Variants in MTRES1 observed in about 807,000 individuals in gnomAD.
The protein encoded by MTRES1 is mitochondrial transcription rescue factor 1.
Under a neutral mutation model 17.4 loss-of-function variants are expected in MTRES1, and 11 were observed. That is an observed-to-expected ratio of 0.63 (90% CI 0.40 to 1.05). MTRES1 has a LOEUF of 1.05. Ranked by LOEUF, MTRES1 falls within the 50% of genes least tolerant of loss-of-function variation. The pLI, the probability that MTRES1 is intolerant of heterozygous loss-of-function variation, is 0.00. For missense variants in MTRES1, 268 were observed against 276.2 expected (o/e 0.97, Z 0.21); for synonymous variants, 94 against 99.6 (o/e 0.94, Z 0.34).
At chr6:107,042,457 G>A in intron 2 of MTRES1, among the ~76,000 whole-genome samples, 1 of 149,276 alleles carries the variant, frequency 6.7e-6, no homozygotes, top group East Asian at 1.9e-4. Context: ...AAATAAGGGG[G>A]CCTCTCCTCT....
chr6:107,043,608 A>G (rs944983433), intron 2 of MTRES1, among the ~76,000 whole-genome samples: 3 of 152,108 alleles, frequency 2.0e-5, no homozygotes, highest in African/African-American at 7.2e-5. Flanking sequence ...AGGAAGTGAA[A>G]ATATATTTAC....
chr6:107,050,121 G>A (rs1774544454), intron 3 of MTRES1, among the ~76,000 whole-genome samples: 1 of 152,246 alleles, frequency 6.6e-6, no homozygotes, highest in African/African-American at 2.4e-5. Flanking sequence ...GCACAGACCA[G>A]TGTCCTTGAC....
At chr6:107,049,408 CTTTTT>C (rs782057719) in intron 3 of MTRES1, among the ~76,000 whole-genome samples, 1 of 99,362 alleles carries the variant, frequency 1.0e-5, no homozygotes. Flanking sequence ...TATGGCCCTT[CTTTTT>C]TTTTTTTTTT....
intron 2 of MTRES1, among the ~76,000 whole-genome samples, chr6:107,042,077 A>G (rs1774236317): frequency 6.6e-6 from 1 of 151,772 alleles, no homozygotes; most frequent in Non-Finnish European, 1.5e-5. Context: ...GTGGTGGCTC[A>G]CGCCTGTAGT....
At chr6:107,028,808 AT>A (rs1234099208) in intron 1 of MTRES1, 1 of 819,670 alleles carries the variant, frequency 1.2e-6, no homozygotes, top group Non-Finnish European at 1.5e-6. Context: ...GTTAGTTCAG[AT>A]TGTATACCTC....
intron 3 of MTRES1, 37 bp from the exon 4 acceptor site, chr6:107,051,020 A>G (rs373401907): frequency 2.0e-6 from 3 of 1,538,004 alleles, no homozygotes; most frequent in African/African-American, 1.4e-5. Context: ...GGATTTCCCG[A>G]AGTGTAACCA....
At chr6:107,050,530 T>TATTTGAG (rs1774556448) in intron 3 of MTRES1, among the ~76,000 whole-genome samples, 2 of 149,616 alleles carry the variant, frequency 1.3e-5, no homozygotes, top group Admixed American at 6.7e-5. Context: ...GAGGCCCTTG[T>TATTTGAG]ATTTGAGGCA....
chr6:107,039,583 G>C (rs1554227329), intron 1 of MTRES1, among the ~76,000 whole-genome samples, 166 bp from the exon 2 acceptor site: 1 of 152,056 alleles, frequency 6.6e-6, no homozygotes, highest in Non-Finnish European at 1.5e-5. Context: ...GCCTCCCAAA[G>C]TGCTGAGATT....
Position 107,036,461 on chromosome 6 carries a change from T to C in MTRES1, c.-12-3288T>C, listed in dbSNP as rs1220938635. On this transcript the variant is annotated intron_variant, in intron 1 of 3. Transcript: ENST00000311381. ...AGGAGGCTGAGGCAGGAGAATCACT[T>C]GAACCCAGGAGGCAGAGGCAGTGAG... Among the ~76,000 whole-genome samples the C allele has an allele frequency of 2.0e-5, 3 of 151,670 alleles. 1 individual carries two copies. Among genetic ancestry groups the C allele is most frequent in the African/African-American group, 2.4e-5 (1 of 41,308 alleles).
intron 1 of MTRES1, among the ~76,000 whole-genome samples, chr6:107,029,774 G>A (rs988624103): frequency 6.6e-6 from 1 of 152,110 alleles, no homozygotes; most frequent in Non-Finnish European, 1.5e-5. Flanking sequence ...ATGAGCCACC[G>A]CGCCCATACT....
At chr6:107,029,919 C>T (rs1421619545) in intron 1 of MTRES1, 1 of 610,492 alleles carries the variant, frequency 1.6e-6, no homozygotes, top group Admixed American at 2.8e-5. Flanking sequence ...CTTGCCCTCT[C>T]AATCCCCCTT....
At chr6:107,049,596 G>T (rs1421134551) in intron 3 of MTRES1, among the ~76,000 whole-genome samples, 11 of 151,876 alleles carry the variant, frequency 7.2e-5, no homozygotes, top group African/African-American at 2.7e-4. Flanking sequence ...TGTATTTTTA[G>T]TAGAGACGGG....
At chr6:107,041,058 C>G (rs1207096927) in intron 2 of MTRES1, among the ~76,000 whole-genome samples, 2 of 150,456 alleles carry the variant, frequency 1.3e-5, no homozygotes, top group Non-Finnish European at 2.9e-5. Context: ...AACTCCGTCT[C>G]TACTAAAAAT....
chr6:107,050,842 G>A lies in MTRES1; in HGVS notation c.544-215G>A, dbSNP rs1464302783. Among the ~76,000 whole-genome samples the A allele has an allele frequency of 2.6e-5, 4 of 152,104 alleles. No individual in the cohort carries two copies. In the East Asian group the frequency reaches 7.7e-4, roughly 29 times the overall value. On this transcript the variant is annotated intron_variant, in intron 3 of 3. Coordinates refer to ENST00000311381, the MANE Select transcript of MTRES1 (RefSeq NM_016487.5). ...TCCACCGAGCTTGGCCTCCCAAAGT[G>A]CTGGGATTACAGGCGTGAGCCACCG... is the stretch of plus-strand genomic sequence containing the variant.
At chr6:107,028,976 G>A in intron 1 of MTRES1, 2 of 539,744 alleles carry the variant, frequency 3.7e-6, no homozygotes, top group Non-Finnish European at 4.7e-6. Context: ...TCATTCGAAT[G>A]CACCCGTCCT....
In MTRES1 at chr6:107,034,647, C is replaced by T. The variant is rs976968440; in HGVS notation, c.-12-5102C>T. Among the ~76,000 whole-genome samples the T allele has an allele frequency of 3.3e-5, 5 of 152,128 alleles. No homozygotes were observed. In the East Asian group the frequency reaches 5.8e-4, roughly 18 times the overall value. On this transcript the variant is annotated intron_variant, in intron 1 of 3. Coordinates refer to ENST00000311381, the MANE Select transcript of MTRES1 (RefSeq NM_016487.5). ...TTGTCGCAAGGAACAAATGAGTTAACGTGTAGAGCAATGCCTGGCCCACGG... is the reference window on the plus strand; with the variant it reads ...TTGTCGCAAGGAACAAATGAGTTAATGTGTAGAGCAATGCCTGGCCCACGG...
At chr6:107,045,869 C>T (rs1554228329) in intron 3 of MTRES1, among the ~76,000 whole-genome samples, 1 of 152,194 alleles carries the variant, frequency 6.6e-6, no homozygotes, top group African/African-American at 2.4e-5. Flanking sequence ...TTTCAAAATA[C>T]CCCTGGGGTT....
rs782073751 is a variant in MTRES1 at position 107,040,022 on chromosome 6, A to G, written c.262A>G (p.Ile88Val). ...TTTTTCCGTAAGACTCAAAAGTAAT[A>G]TAAGGTCTACAAAATCTACTAAAAA... The part of the protein sequence containing the change: ...FPFSVRLKSN[I>V]RSTKSTKKSL... Residue 88 changes from isoleucine to valine, a missense_variant, in exon 2 of 4, where the codon ATA becomes GTA. Ile to Val is a conservative substitution (Grantham distance 29). Coordinates refer to ENST00000311381, the MANE Select transcript of MTRES1 (RefSeq NM_016487.5). 9 of 1,613,374 alleles carry G rather than the reference A, an allele frequency of 5.6e-6. No homozygotes were observed. The highest frequency in any genetic ancestry group is 4.5e-5 in the East Asian group (2 of 44,884).
intron 3 of MTRES1, among the ~76,000 whole-genome samples, chr6:107,047,607 G>A (rs1289870861): frequency 6.6e-6 from 1 of 152,000 alleles, no homozygotes; most frequent in Non-Finnish European, 1.5e-5. Context: ...ATTGTAGGCC[G>A]GGCACAGTGG....
Sources: allele counts gnomAD v4.1 joint callset (sites outside exome capture counted in the v4.1 genomes callset), GRCh38; gene constraint gnomAD v4.1.1; transcripts MANE v1.5; gene names NCBI Gene and HGNC (gene_info 2026-07-23, HGNC 2026-07-21).